Variants in FANCA observed in about 807,000 individuals in gnomAD.
FANCA encodes Fanconi anemia group A protein.
In FANCA, 236 loss-of-function variants were observed where a neutral mutation model predicts 194.3. That is an observed-to-expected ratio of 1.21 (90% CI 1.09 to 1.35). FANCA has a LOEUF of 1.35. FANCA is among the 40% of genes most tolerant of loss of function. The pLI, the probability that FANCA is intolerant of heterozygous loss-of-function variation, is 0.00. For synonymous variants in FANCA, 1,014 were observed against 715.8 expected (o/e 1.42, Z -6.65); for missense variants, 2,628 against 1,813.9 (o/e 1.45, Z -8.15).
intron 28 of FANCA, among the ~76,000 whole-genome samples, chr16:89,763,661 G>A (rs139689913): frequency 3.3e-5 from 5 of 152,092 alleles, no homozygotes; most frequent in African/African-American, 7.2e-5. Flanking sequence ...CCCAGGGGCC[G>A]AGCGCAGTGG....
rs900446688 is a variant in FANCA, at chr16:89,799,026, G to A, written c.893+140C>T. Reference sequence around the variant, plus strand: ...TTTCCCATGGTCGCCTCCTCCTCACGCACGTTATCGTAACTGGCAGAGGAA... The same window carrying A: ...TTTCCCATGGTCGCCTCCTCCTCACACACGTTATCGTAACTGGCAGAGGAA... On this transcript the variant is annotated intron_variant, in intron 10 of 42. Transcript: ENST00000389301. 10 of 1,614,194 alleles carry A rather than the reference G, an allele frequency of 6.2e-6. No homozygotes were observed. The East Asian group carries it at 1.3e-4, about 22-fold the overall frequency.
chr16:89,757,642 C>G (rs2038809477), intron 30 of FANCA, among the ~76,000 whole-genome samples: 1 of 152,180 alleles, frequency 6.6e-6, no homozygotes, highest in Non-Finnish European at 1.5e-5. Flanking sequence ...GCAGCTGTAA[C>G]ACAACAGTGT....
intron 29 of FANCA, among the ~76,000 whole-genome samples, chr16:89,760,748 G>A (rs2038924289): frequency 6.6e-6 from 1 of 152,092 alleles, no homozygotes; most frequent in Admixed American, 6.6e-5. Flanking sequence ...AGTCAAGGCT[G>A]GCATCACTCC....
chr16:89,805,410 G>A lies in FANCA; in HGVS notation c.597-18C>T, dbSNP rs371322934. On this transcript the variant is annotated intron_variant, in intron 6 of 42. Transcript: ENST00000389301. Reference sequence around the variant, plus strand: ...CGGGATGGCTGGAGACACACACAGAGGCAGACGTAAGGCTCAACTAAATCC... The same window carrying A: ...CGGGATGGCTGGAGACACACACAGAAGCAGACGTAAGGCTCAACTAAATCC... The A allele has an allele frequency of 1.2e-5, 19 of 1,591,204 alleles. No homozygotes were observed. In the African/African-American group the frequency reaches 2.4e-4, roughly 20 times the overall value.
chr16:89,752,889 C>T (rs539818656), intron 30 of FANCA, among the ~76,000 whole-genome samples: 39 of 152,200 alleles, frequency 2.6e-4, no homozygotes, highest in African/African-American at 9.1e-4. Context: ...AGGGAGTCTC[C>T]CTTTCCCCCG....
At chr16:89,808,045 G>A (rs12325241) in intron 6 of FANCA, among the ~76,000 whole-genome samples, 172 of 146,944 alleles carry the variant, frequency 1.2e-3, no homozygotes, top group African/African-American at 3.7e-3. Flanking sequence ...GCCACAGAGC[G>A]AGACTCCGTC....
intron 39 of FANCA, 176 bp from the exon 40 acceptor site, chr16:89,739,729 G>C (rs991302834): frequency 8.7e-6 from 13 of 1,499,176 alleles, no homozygotes; most frequent in East Asian, 2.5e-5. Flanking sequence ...GGAGAGGATG[G>C]GGGGGTCGAC....
chr16:89,775,463 C>T (rs900682134), intron 21 of FANCA, among the ~76,000 whole-genome samples: 10 of 152,342 alleles, frequency 6.6e-5, no homozygotes, highest in South Asian at 2.1e-4. Context: ...CACCTCAGTG[C>T]GGCCCACAGG....
Position 89,739,309 on chromosome 16 carries a change from G to T in FANCA, c.4011-20C>A. 1.2e-6 allele frequency: 2 copies of T among 1,614,052 alleles called. No homozygotes were observed. Among genetic ancestry groups the T allele is most frequent in the South Asian group, 1.1e-5 (1 of 91,052 alleles). On this transcript the variant is annotated intron_variant, in intron 40 of 42. Transcript: ENST00000389301. The stretch of plus-strand genomic sequence containing the variant: ...AGAAGACTAGAGGTAAAGACATAGT[G>T]ACAAATGGCTACAGACTGCTGGAAA...
At chr16:89,772,168 G>C (rs779336398) in intron 22 of FANCA, among the ~76,000 whole-genome samples, 1 of 152,190 alleles carries the variant, frequency 6.6e-6, no homozygotes, top group East Asian at 1.9e-4. Flanking sequence ...GTTGGCCCAG[G>C]GAAATGGGCC....
At chr16:89,809,828 G>T (rs1598187864) in intron 5 of FANCA, among the ~76,000 whole-genome samples, 1 of 151,640 alleles carries the variant, frequency 6.6e-6, no homozygotes, top group Non-Finnish European at 1.5e-5. Context: ...ACTCCAGCCT[G>T]GGCAACAAGA....
At chr16:89,802,131 G>C (rs2040477356) in intron 8 of FANCA, among the ~76,000 whole-genome samples, 2 of 152,170 alleles carry the variant, frequency 1.3e-5, no homozygotes, top group African/African-American at 2.4e-5. Flanking sequence ...CTTTAACGGA[G>C]TCTCGCTCTG....
At chr16:89,744,938 C>G (rs752403773) in intron 36 of FANCA, 21 bp downstream of exon 36, 5 of 1,606,484 alleles carry the variant, frequency 3.1e-6, no homozygotes, top group Middle Eastern at 1.7e-4. Context: ...GGGCACACCC[C>G]ATCTCACCAC....
At chr16:89,798,888 T>G in intron 10 of FANCA, 1 of 1,578,502 alleles carries the variant, frequency 6.3e-7, no homozygotes. Context: ...GAGGTCACAG[T>G]GAGTGGGACA....
chr16:89,755,703 G>A (rs544985716), intron 30 of FANCA, among the ~76,000 whole-genome samples: 1 of 152,254 alleles, frequency 6.6e-6, no homozygotes, highest in African/African-American at 2.4e-5. Context: ...AATATATAAA[G>A]AACTCATACA....
Position 89,749,812 on chromosome 16 carries a change from G to C in FANCA, c.3157C>G (p.Arg1053Gly), listed in dbSNP as rs376103033. 6.2e-7 allele frequency: 1 copy of C among 1,614,228 alleles called. No homozygotes were observed. Among genetic ancestry groups the C allele is most frequent in the Admixed American group, 1.7e-5 (1 of 60,018 alleles). The change falls in exon 32 of 43, where the codon CGC becomes GGC. Residue 1053 changes from arginine to glycine, a missense_variant. Transcript: ENST00000389301. ...SQEHFLFEIF[R>G]RRLQALTSGW... ...CTTGTCAGAGCCTGGAGCCGTCTGC[G>C]GAAAATCTCAAAGAGGAAGTGCTCC...
intron 5 of FANCA, among the ~76,000 whole-genome samples, chr16:89,808,777 T>A (rs903743586): frequency 6.6e-6 from 1 of 152,022 alleles, no homozygotes; most frequent in African/African-American, 2.4e-5. Flanking sequence ...GCATGTCCCT[T>A]GTCTTTCTCA....
In FANCA at chr16:89,770,338, C is replaced by T. The variant is rs139986799; in HGVS notation, c.2223-79G>A. 47 of 1,337,616 alleles carry T rather than the reference C, an allele frequency of 3.5e-5. No individual in the cohort carries two copies. The East Asian group carries it at 6.5e-4, about 19-fold the overall frequency. 82.9% of individuals were successfully genotyped at this position (1,337,616 alleles called of 1,614,324 possible). On this transcript the variant is annotated intron_variant, in intron 24 of 42. Coordinates refer to ENST00000389301, the MANE Select transcript of FANCA (RefSeq NM_000135.4). ...CTCCAACAGCTAATCCAACCACCAG[C>T]GGCCGAAGAAAGAGCCAAGCTGTTC...
At chr16:89,799,775 C>T (rs1018043374) in intron 8 of FANCA, 137 bp from the exon 9 acceptor site, 15 of 728,018 alleles carry the variant, frequency 2.1e-5, no homozygotes, top group African/African-American at 3.5e-5. Context: ...GGGCGGATCA[C>T]GAGGTCAGGA....
Sources: gnomAD v4.1 joint callset for allele counts (sites outside exome capture counted in the v4.1 genomes callset) on GRCh38, gnomAD v4.1.1 for gene constraint, MANE v1.5 for transcripts, NCBI Gene and HGNC (gene_info 2026-07-23, HGNC 2026-07-21) for gene names.